The following MBOAT2 variants were observed in gnomAD, a reference collection of about 807,000 sequenced individuals.
MBOAT2 encodes the protein membrane bound glycerophospholipid O-acyltransferase 2.
In MBOAT2, 28 loss-of-function variants were observed where a neutral mutation model predicts 63.4. The ratio of observed to expected loss-of-function variants is 0.44; its 90% CI spans 0.33 to 0.61. The LOEUF is 0.61. Among genes scored for constraint, MBOAT2 ranks in the 20% least tolerant of loss-of-function variants. The pLI is 0.03. For synonymous variants in MBOAT2, 211 were observed against 215.6 expected (o/e 0.98, Z 0.19); for missense variants, 470 against 605.8 (o/e 0.78, Z 2.35).
At chr2:8,955,198 C>T (rs1266222173) in intron 2 of MBOAT2, among the ~76,000 whole-genome samples, 3 of 152,286 alleles carry the variant, frequency 2.0e-5, no homozygotes, top group Non-Finnish European at 4.4e-5. Flanking sequence ...TGGCTTCATA[C>T]GTGCCTGGAT....
chr2:8,945,616 C>T (rs1005172574), intron 2 of MBOAT2, among the ~76,000 whole-genome samples: 5 of 152,126 alleles, frequency 3.3e-5, no homozygotes, highest in Admixed American at 1.3e-4. Flanking sequence ...CACGTTGTTT[C>T]GGGGCAATTT....
intron 6 of MBOAT2, among the ~76,000 whole-genome samples, chr2:8,877,951 A>G (rs903733590): frequency 2.6e-5 from 4 of 152,220 alleles, no homozygotes; most frequent in African/African-American, 9.7e-5. Context: ...GGCTTGCCTT[A>G]CAAGCCATGG....
At chr2:8,896,005 A>G (rs1313712867) in intron 4 of MBOAT2, among the ~76,000 whole-genome samples, 1 of 152,118 alleles carries the variant, frequency 6.6e-6, no homozygotes, top group Admixed American at 6.5e-5. Flanking sequence ...TGGGAGGCCG[A>G]GGCGGGCGGA....
At chr2:8,948,570 A>G (rs892104107) in intron 2 of MBOAT2, among the ~76,000 whole-genome samples, 1 of 152,070 alleles carries the variant, frequency 6.6e-6, no homozygotes, top group East Asian at 1.9e-4. Context: ...TTTAGCTCCC[A>G]CTTATAAGTG....
At chr2:8,972,818 G>C (rs927299499) in intron 1 of MBOAT2, among the ~76,000 whole-genome samples, 4 of 152,146 alleles carry the variant, frequency 2.6e-5, no homozygotes, top group Non-Finnish European at 5.9e-5. Context: ...ACCACAATGA[G>C]ATACCATCTC....
chr2:8,917,061 C>T (rs183271630), intron 3 of MBOAT2, among the ~76,000 whole-genome samples: 2 of 152,186 alleles, frequency 1.3e-5, no homozygotes, highest in African/African-American at 4.8e-5. Flanking sequence ...AGTGCTGGGA[C>T]AAATGAATAT....
In MBOAT2 at chr2:8,882,503, G is replaced by C; in HGVS notation, c.506+8C>G. The C allele has an allele frequency of 3.1e-6, 5 of 1,614,024 alleles. No homozygotes were observed. Among genetic ancestry groups the C allele is most frequent in the East Asian group, 2.2e-5 (1 of 44,882 alleles). On this transcript the variant is annotated splice_region_variant and intron_variant, in intron 6 of 12. Coordinates refer to ENST00000305997, the MANE Select transcript of MBOAT2 (RefSeq NM_138799.4). ...AAGCATGGCAGAATAGGATGCAAAGGCACGTACCTTACAGCTAAATCCCTC... is the reference window on the plus strand; with the variant it reads ...AAGCATGGCAGAATAGGATGCAAAGCCACGTACCTTACAGCTAAATCCCTC...
Position 8,948,423 on chromosome 2 carries a change from GAA to G in MBOAT2, c.222-5161_222-5160del, listed in dbSNP as rs761413745. On this transcript the variant is annotated intron_variant, in intron 2 of 12. Coordinates refer to ENST00000305997, the MANE Select transcript of MBOAT2 (RefSeq NM_138799.4). Reference sequence around the variant, plus strand: ...TCCATAATGATGAGGTTTAGGGTATGAATGATCCCCTCACCCAGGTACTGAGC... The same window carrying G: ...TCCATAATGATGAGGTTTAGGGTATGTGATCCCCTCACCCAGGTACTGAGC... Among the ~76,000 whole-genome samples, 15 of 152,152 alleles carry G rather than the reference GAA, an allele frequency of 9.9e-5. 1 individual carries two copies. The highest frequency in any genetic ancestry group is 2.0e-4 in the Admixed American group (3 of 15,280).
intron 1 of MBOAT2, among the ~76,000 whole-genome samples, chr2:8,989,877 T>C (rs1030013928): frequency 1.3e-5 from 2 of 152,194 alleles, no homozygotes; most frequent in African/African-American, 4.8e-5. Flanking sequence ...CACAAGCAGT[T>C]TGCACAAAAG....
chr2:8,923,850 T>C (rs1405440761), intron 3 of MBOAT2, among the ~76,000 whole-genome samples: 1 of 152,174 alleles, frequency 6.6e-6, no homozygotes, highest in East Asian at 1.9e-4. Flanking sequence ...CATCCAGTTG[T>C]ACAGCCGTTT....
rs13400672 is a variant in MBOAT2 at position 8,999,035 on chromosome 2, C to T, written c.75+4505G>A. ...TTTGAAAACTGTATTAAGTGTTAGA[C>T]ATTATAATTATTATCTGACTTTGCA... On this transcript the variant is annotated intron_variant, in intron 1 of 12. Coordinates refer to ENST00000305997, the MANE Select transcript of MBOAT2 (RefSeq NM_138799.4). Among the ~76,000 whole-genome samples, 1,243 of 152,240 alleles carry T rather than the reference C, an allele frequency of 8.2e-3. 44 individuals carry two copies. The highest frequency in any genetic ancestry group is 0.054 in the Admixed American group (831 of 15,300).
chr2:8,860,201 AG>A (rs1427970944), intron 12 of MBOAT2, among the ~76,000 whole-genome samples: 1 of 152,192 alleles, frequency 6.6e-6, no homozygotes, highest in East Asian at 1.9e-4. Context: ...AAAAAAAAAA[AG>A]ATAATTAATA....
At position 8,938,794 on chromosome 2, in the gene MBOAT2, T is replaced by C. The variant is rs146424509; in HGVS notation, c.299+4393A>G. Among the ~76,000 whole-genome samples the C allele has an allele frequency of 1.2e-4, 19 of 152,342 alleles. No individual in the cohort carries two copies. The South Asian group carries it at 2.3e-3, about 18-fold the overall frequency. On this transcript the variant is annotated intron_variant, in intron 3 of 12. Transcript: ENST00000305997. ...TGCCACCGTGTTTCATGCTGCCATG[T>C]TTCATGCCTCCACGCCTCTGCCTGT... is the stretch of plus-strand genomic sequence containing the variant.
intron 1 of MBOAT2, among the ~76,000 whole-genome samples, chr2:8,977,884 C>T (rs1670930860): frequency 6.6e-6 from 1 of 152,108 alleles, no homozygotes; most frequent in Admixed American, 6.6e-5. Context: ...TCCTGCCCTC[C>T]ACAAGGAATC....
At chr2:8,905,820 C>T (rs1665285389) in intron 4 of MBOAT2, among the ~76,000 whole-genome samples, 1 of 152,192 alleles carries the variant, frequency 6.6e-6, no homozygotes, top group Non-Finnish European at 1.5e-5. Flanking sequence ...AAAAAGTTTC[C>T]TCCTAATGGA....
At chr2:8,890,341 C>T (rs1663901705) in intron 4 of MBOAT2, among the ~76,000 whole-genome samples, 1 of 152,122 alleles carries the variant, frequency 6.6e-6, no homozygotes, top group Admixed American at 6.6e-5. Flanking sequence ...CATCTTAGTC[C>T]TTGTTTGTTT....
chr2:8,901,636 C>A (rs187788981), intron 4 of MBOAT2, among the ~76,000 whole-genome samples: 187 of 152,282 alleles, frequency 1.2e-3, no homozygotes, highest in African/African-American at 4.0e-3. Flanking sequence ...TTCTGAGGCA[C>A]CCCGTATCCT....
chr2:8,859,830 G>C (rs1661364809), intron 12 of MBOAT2, among the ~76,000 whole-genome samples: 1 of 152,108 alleles, frequency 6.6e-6, no homozygotes, highest in South Asian at 2.1e-4. Context: ...ATAATATACA[G>C]ATCACCACAG....
chr2:8,926,387 G>T (rs571201653), intron 3 of MBOAT2, among the ~76,000 whole-genome samples: 2 of 152,292 alleles, frequency 1.3e-5, no homozygotes, highest in Non-Finnish European at 2.9e-5. Flanking sequence ...ACGACTCTAG[G>T]TAGAAAACTC....
Sources: gnomAD v4.1 joint callset for allele counts (sites outside exome capture counted in the v4.1 genomes callset) on GRCh38, gnomAD v4.1.1 for gene constraint, MANE v1.5 for transcripts, NCBI Gene and HGNC (gene_info 2026-07-23, HGNC 2026-07-21) for gene names.